PTPRD: variants seen among roughly 807,000 people sequenced by gnomAD.
PTPRD encodes protein tyrosine phosphatase receptor type D.
Under a neutral mutation model 214.5 loss-of-function variants are expected in PTPRD, and 34 were observed. That is an observed-to-expected ratio of 0.16 (90% CI 0.12 to 0.21). The LOEUF is 0.21. PTPRD is among the 10% of genes least tolerant of loss of function. The pLI is 1.00. For missense variants in PTPRD, 2,545 were observed against 2,398.7 expected, an observed-to-expected ratio of 1.06 and a Z score of -1.27; for synonymous variants, 1,128 against 845.7, an observed-to-expected ratio of 1.33 and a Z score of -5.79.
chr9:9,561,064 G>C (rs1007478884), intron 8 of PTPRD, among the ~76,000 whole-genome samples: 1 of 152,176 alleles, frequency 6.6e-6, no homozygotes, highest in Non-Finnish European at 1.5e-5. Context: ...AAGCAAGCCT[G>C]TACAGCATTA....
At chr9:9,467,707 G>T (rs188226146) in intron 8 of PTPRD, among the ~76,000 whole-genome samples, 15 of 141,868 alleles carry the variant, frequency 1.1e-4, no homozygotes, top group African/African-American at 3.6e-4. Flanking sequence ...CTCTTATTTT[G>T]TACTTCTATA....
At chr9:8,871,696 GA>G (rs1012051171) in intron 11 of PTPRD, among the ~76,000 whole-genome samples, 4 of 152,144 alleles carry the variant, frequency 2.6e-5, no homozygotes, top group East Asian at 1.9e-4. Context: ...TGATAAGAGT[GA>G]AAACTTTACC....
chr9:10,117,979 C>A (rs190515822), intron 3 of PTPRD, among the ~76,000 whole-genome samples: 3 of 152,042 alleles, frequency 2.0e-5, no homozygotes, highest in African/African-American at 2.4e-5. Context: ...GGAACTATTA[C>A]CTGATACTTT....
At chr9:10,270,657 G>T (rs2094365617) in intron 3 of PTPRD, among the ~76,000 whole-genome samples, 1 of 152,112 alleles carries the variant, frequency 6.6e-6, no homozygotes, top group Admixed American at 6.6e-5. Flanking sequence ...AATTTAAATG[G>T]AAGTTTTCTT....
chr9:8,488,158 G>A (rs887643758), intron 27 of PTPRD, among the ~76,000 whole-genome samples: 3 of 152,134 alleles, frequency 2.0e-5, no homozygotes, highest in Non-Finnish European at 4.4e-5. Flanking sequence ...AAGATTATGA[G>A]ACAATACATA....
intron 45 of PTPRD, 21 bp from the exon 46 acceptor site, chr9:8,317,963 G>T (rs2130469884): frequency 6.2e-7 from 1 of 1,606,922 alleles, no homozygotes; most frequent in Non-Finnish European, 8.5e-7. Context: ...CAATGAATGG[G>T]GAGAAGCAAA....
rs1188133665 is a variant in PTPRD at position 8,699,373 on chromosome 9, A to T, written c.64+34407T>A. 2.6e-5 allele frequency among the ~76,000 whole-genome samples: 4 copies of T among 152,210 alleles called. No individual in the cohort carries two copies. The South Asian group carries it at 8.3e-4, about 31-fold the overall frequency. On this transcript the variant is annotated intron_variant, in intron 12 of 45. Transcript: ENST00000381196. Reference sequence around the variant, plus strand: ...CCTCATATCATTAAAAGTAAAAAAGATTAATTCCTGAAATAATGTAAATAC... The same window carrying T: ...CCTCATATCATTAAAAGTAAAAAAGTTTAATTCCTGAAATAATGTAAATAC...
chr9:8,996,234 A>G (rs1001963937), intron 11 of PTPRD, among the ~76,000 whole-genome samples: 2 of 152,092 alleles, frequency 1.3e-5, no homozygotes, highest in Non-Finnish European at 2.9e-5. Flanking sequence ...TCAACTGGTG[A>G]ATGGATAAGT....
chr9:8,541,136 G>C (rs2078297033), intron 14 of PTPRD, among the ~76,000 whole-genome samples: 1 of 152,112 alleles, frequency 6.6e-6, no homozygotes. Flanking sequence ...CAGATCTATG[G>C]GGAAACATTT....
intron 3 of PTPRD, among the ~76,000 whole-genome samples, chr9:10,259,025 T>C (rs1456611844): frequency 2.0e-5 from 3 of 152,080 alleles, no homozygotes; most frequent in Non-Finnish European, 4.4e-5. Flanking sequence ...TTTTGTTTTT[T>C]GTTTTTTTTG....
chr9:9,391,020 T>C (rs944833165), intron 9 of PTPRD, among the ~76,000 whole-genome samples: 1 of 152,196 alleles, frequency 6.6e-6, no homozygotes, highest in Non-Finnish European at 1.5e-5. Context: ...AGATGCATTA[T>C]TAAGTTGAGC....
At chr9:10,037,580 GAAAAAA>G (rs376794277) in intron 3 of PTPRD, among the ~76,000 whole-genome samples, 2 of 83,112 alleles carry the variant, frequency 2.4e-5, no homozygotes, top group African/African-American at 6.9e-5. Context: ...TATAGCAGTG[GAAAAAA>G]AAAAAAAAAA....
At chr9:8,362,221 T>C (rs1007536504) in intron 39 of PTPRD, among the ~76,000 whole-genome samples, 12 of 152,238 alleles carry the variant, frequency 7.9e-5, no homozygotes, top group Non-Finnish European at 1.5e-5. Flanking sequence ...TACCTATCTC[T>C]TGTAACTGGA....
intron 3 of PTPRD, among the ~76,000 whole-genome samples, chr9:10,188,546 A>G (rs73641871): frequency 0.015 from 2,218 of 150,774 alleles, 54 homozygotes; most frequent in African/African-American, 0.051. Context: ...TTTTTTTTTC[A>G]TTTTGTATAA....
At chr9:9,758,433 C>T (rs891881608) in intron 6 of PTPRD, among the ~76,000 whole-genome samples, 1 of 152,124 alleles carries the variant, frequency 6.6e-6, no homozygotes, top group Non-Finnish European at 1.5e-5. Flanking sequence ...GGTCAAACCT[C>T]AGCCAGCTCT....
chr9:10,107,848 T>C (rs780393977), intron 3 of PTPRD, among the ~76,000 whole-genome samples: 2 of 152,134 alleles, frequency 1.3e-5, no homozygotes, highest in African/African-American at 4.8e-5. Flanking sequence ...AAACATTTTC[T>C]CAGTGGCCTA....
intron 12 of PTPRD, among the ~76,000 whole-genome samples, chr9:8,714,473 C>T (rs1169611901): frequency 6.6e-6 from 1 of 152,154 alleles, no homozygotes; most frequent in East Asian, 1.9e-4. Context: ...CCTGTTGCTT[C>T]CAGGAAGCCT....
chr9:9,624,735 T>C (rs933064584), intron 7 of PTPRD, among the ~76,000 whole-genome samples: 2 of 152,074 alleles, frequency 1.3e-5, no homozygotes, highest in African/African-American at 4.8e-5. Context: ...ATCAAACAGA[T>C]GCAGATCTGG....
chr9:9,249,636 C>T (rs1422811546), intron 9 of PTPRD, among the ~76,000 whole-genome samples: 1 of 151,974 alleles, frequency 6.6e-6, no homozygotes, highest in Non-Finnish European at 1.5e-5. Flanking sequence ...TTGGGTTGTC[C>T]AACTTTATTT....
Sources: allele counts gnomAD v4.1 joint callset (sites outside exome capture counted in the v4.1 genomes callset), GRCh38; gene constraint gnomAD v4.1.1; transcripts MANE v1.5; gene names NCBI Gene and HGNC (gene_info 2026-07-23, HGNC 2026-07-21).